TOX2: variants seen among roughly 807,000 people sequenced by gnomAD.
The protein encoded by TOX2 is TOX high mobility group box family member 2.
In TOX2, 15 loss-of-function variants were observed where a neutral mutation model predicts 47.4. The ratio of observed to expected loss-of-function variants is 0.32; its 90% CI spans 0.21 to 0.49. The LOEUF (loss-of-function observed/expected upper bound fraction) is 0.49, where lower values mean the gene tolerates loss of function less well. Ranked by LOEUF, TOX2 falls within the 20% of genes least tolerant of loss-of-function variation. The probability of loss-of-function intolerance (pLI) is 0.99; values close to 1 mark genes in which losing one functional copy is unlikely to be tolerated. For missense variants in TOX2, 622 were observed against 673.1 expected (o/e 0.92, Z 0.84); for synonymous variants, 290 against 296.6 (o/e 0.98, Z 0.23).
chr20:44,061,507 C>T (rs1454675559), intron 5 of TOX2, among the ~76,000 whole-genome samples: 5 of 148,618 alleles, frequency 3.4e-5, no homozygotes, highest in Non-Finnish European at 7.4e-5. Flanking sequence ...CCAGAGCCAA[C>T]ATTATAGTGA....
intron 2 of TOX2, among the ~76,000 whole-genome samples, chr20:43,981,533 A>G (rs1265636472): frequency 1.3e-5 from 2 of 152,188 alleles, no homozygotes; most frequent in South Asian, 4.1e-4. Context: ...TGTGCGTGGT[A>G]TGGGAACTGT....
Position 43,954,234 on chromosome 20 carries a change from C to T in TOX2, c.100-19133C>T, listed in dbSNP as rs1206803397. On this transcript the variant is annotated intron_variant, in intron 1 of 8. Coordinates refer to ENST00000341197, the MANE Select transcript of TOX2 (RefSeq NM_001098797.2). The stretch of plus-strand genomic sequence containing the variant: ...CCTCAGGGACTTTGCATTGCTGCTC[C>T]CTCTGCCTTAAATGCTCCCACCCAC... Among the ~76,000 whole-genome samples, 4 of 152,096 alleles carry T rather than the reference C, an allele frequency of 2.6e-5. No homozygotes were observed. The East Asian group carries it at 5.8e-4, about 22-fold the overall frequency.
chr20:44,026,379 T>G (rs2071069598), intron 3 of TOX2, among the ~76,000 whole-genome samples: 1 of 150,494 alleles, frequency 6.6e-6, no homozygotes, highest in African/African-American at 2.5e-5. Context: ...AAACCAAACA[T>G]CGTATATTCT....
chr20:44,065,037 A>G (rs915363493), intron 6 of TOX2, among the ~76,000 whole-genome samples, 180 bp downstream of exon 6: 5 of 152,358 alleles, frequency 3.3e-5, no homozygotes, highest in African/African-American at 1.2e-4. Flanking sequence ...GGCACTTTAC[A>G]TGCATTTCAT....
At chr20:43,922,360 C>G (rs117495598) in intron 1 of TOX2, among the ~76,000 whole-genome samples, 1 of 152,242 alleles carries the variant, frequency 6.6e-6, no homozygotes, top group Non-Finnish European at 1.5e-5. Context: ...AAAAATGTCT[C>G]CAGACTTTGC....
At chr20:43,966,910 A>G (rs527528054) in intron 1 of TOX2, among the ~76,000 whole-genome samples, 9 of 152,104 alleles carry the variant, frequency 5.9e-5, no homozygotes, top group Non-Finnish European at 1.0e-4. Flanking sequence ...CGATTGCCCA[A>G]ATATCGCTAG....
At chr20:43,952,902 G>T (rs2069605369) in intron 1 of TOX2, among the ~76,000 whole-genome samples, 1 of 152,100 alleles carries the variant, frequency 6.6e-6, no homozygotes, top group South Asian at 2.1e-4. Flanking sequence ...GGCAAAAGGG[G>T]CTCTGCAGAT....
intron 1 of TOX2, among the ~76,000 whole-genome samples, chr20:43,939,177 T>C (rs77591323): frequency 0.18 from 27,909 of 152,054 alleles, 3,506 homozygotes; most frequent in East Asian, 0.37. Context: ...TGCATGCACG[T>C]TAGGTCCTAG....
chr20:44,043,646 C>T (rs1237403038), intron 3 of TOX2, among the ~76,000 whole-genome samples: 2 of 152,166 alleles, frequency 1.3e-5, no homozygotes, highest in African/African-American at 2.4e-5. Context: ...TCGCCATCTC[C>T]CAGTTAGTGA....
rs139641870 is a variant in TOX2 at position 44,061,396 on chromosome 20, C to G, written c.880-3381C>G. ...ATACCCAAACCAGGAAAGGACATAA[C>G]AACAACAAAAAAACGAAAACTGCAG... On this transcript the variant is annotated intron_variant, in intron 5 of 8. Transcript: ENST00000341197. Among the ~76,000 whole-genome samples, 798 of 151,524 alleles carry G rather than the reference C, an allele frequency of 5.3e-3. 2 individuals are homozygous for G. The highest frequency in any genetic ancestry group is 9.4e-3 in the Non-Finnish European group (632 of 67,428).
At chr20:44,019,893 G>A (rs201765258) in intron 3 of TOX2, among the ~76,000 whole-genome samples, 2 of 152,172 alleles carry the variant, frequency 1.3e-5, no homozygotes, top group East Asian at 3.9e-4. Context: ...TTGTGGAAAG[G>A]ATCAAGGGAG....
In TOX2 at chr20:43,916,002, G is replaced by A. The variant is rs2069050966; in HGVS notation, c.99+1012G>A. The A allele has an allele frequency of 5.4e-6, 3 of 551,420 alleles. No homozygotes were observed. The highest frequency in any genetic ancestry group is 4.6e-6 in the Non-Finnish European group (2 of 433,420). 34.2% of individuals were successfully genotyped at this position (551,420 alleles called of 1,614,324 possible). On this transcript the variant is annotated intron_variant, in intron 1 of 8. Transcript: ENST00000341197. This position sits in a 1 kb window ranked among gnomAD's most constrained non-coding sequence, Gnocchi z 5.0. ...GCCTGGATGGGTTGGGTGCCTCTAA[G>A]CAGTCCGCGTCCCCTTCGGTCGCCG...
chr20:44,016,745 T>A (rs6017245), intron 3 of TOX2, among the ~76,000 whole-genome samples: 17 of 152,308 alleles, frequency 1.1e-4, no homozygotes, highest in African/African-American at 4.1e-4. Flanking sequence ...CCCAGTGAAC[T>A]CCTATTCCTG....
chr20:43,967,183 CAG>C (rs1242953113), intron 1 of TOX2, among the ~76,000 whole-genome samples: 9 of 152,238 alleles, frequency 5.9e-5, no homozygotes, highest in Admixed American at 2.0e-4. Context: ...TCTGTTAAGA[CAG>C]GGGAGTGCTG....
chr20:43,996,493 A>G (rs544235365), intron 2 of TOX2, among the ~76,000 whole-genome samples: 17 of 152,324 alleles, frequency 1.1e-4, no homozygotes, highest in African/African-American at 4.1e-4. Flanking sequence ...AGCTTTGGCT[A>G]CTGGTAGGCA....
At chr20:44,035,066 G>A (rs1442578323) in intron 3 of TOX2, among the ~76,000 whole-genome samples, 1 of 152,132 alleles carries the variant, frequency 6.6e-6, no homozygotes, top group African/African-American at 2.4e-5. Flanking sequence ...ATCTTCCTCA[G>A]TGCCTCTCGG....
intron 2 of TOX2, among the ~76,000 whole-genome samples, chr20:44,001,863 T>C (rs2070590081): frequency 1.3e-5 from 2 of 152,222 alleles, no homozygotes; most frequent in Admixed American, 1.3e-4. Flanking sequence ...ATTTATTGTG[T>C]TGTAATGAGT....
intron 2 of TOX2, among the ~76,000 whole-genome samples, chr20:43,978,467 A>G (rs1187389491): frequency 6.8e-6 from 1 of 148,094 alleles, no homozygotes; most frequent in Non-Finnish European, 1.5e-5. Context: ...CAGAGTCAGA[A>G]AAACTAGCTA....
At chr20:43,939,661 C>T (rs1347834450) in intron 1 of TOX2, among the ~76,000 whole-genome samples, 1 of 152,210 alleles carries the variant, frequency 6.6e-6, no homozygotes, top group East Asian at 1.9e-4. Flanking sequence ...TATAGTCAGA[C>T]ATGAGTTTAA....
Sources: allele counts gnomAD v4.1 joint callset (sites outside exome capture counted in the v4.1 genomes callset), GRCh38; gene constraint gnomAD v4.1.1; non-coding constraint Gnocchi (gnomAD v3.1); transcripts MANE v1.5; gene names NCBI Gene and HGNC (gene_info 2026-07-23, HGNC 2026-07-21).